The following NUP214 variants were observed in gnomAD, a reference collection of about 807,000 sequenced individuals.
The protein encoded by NUP214 is nucleoporin 214.
A neutral mutation model predicts 196.2 loss-of-function variants in NUP214; 79 were observed. The observed-to-expected ratio is 0.40, with a 90% CI of 0.34 to 0.49. The LOEUF (loss-of-function observed/expected upper bound fraction) is 0.49. Ranked by LOEUF, NUP214 falls within the 20% of genes least tolerant of loss-of-function variation. NUP214 has a pLI of 0.58. For missense variants in NUP214, 2,468 were observed against 2,539.0 expected (o/e 0.97, Z 0.60); for synonymous variants, 1,020 against 990.5 (o/e 1.03, Z -0.56).
intron 26 of NUP214, among the ~76,000 whole-genome samples, chr9:131,189,562 A>C (rs1336407320): frequency 6.6e-6 from 1 of 152,238 alleles, no homozygotes. Flanking sequence ...ACAGTTCAAA[A>C]GCCTATAAGG....
rs1261641239 is a variant in NUP214 at position 131,139,364 on chromosome 9, G to A, written c.1089G>A (p.Met363Ile). The change falls in exon 10 of 36, where the codon ATG becomes ATA. Residue 363 changes from methionine to isoleucine, a missense_variant. Around this residue, in one of 5 missense-constraint regions of NUP214, gnomAD observed 1,801 missense variants for 1,779.4 expected, o/e 1.01. Coordinates refer to ENST00000359428, the MANE Select transcript of NUP214 (RefSeq NM_005085.4). ...VTDKSDDSLP[M>I]GVVVDYTNQV... is the part of the protein sequence containing the mutation. ...ACAAGAGTGATGACTCCTTGCCCAT[G>A]GGAGTTGTCGTAGACTATACAAACC... is the stretch of plus-strand genomic sequence containing the variant. 46 of 1,606,820 alleles carry A rather than the reference G, an allele frequency of 2.9e-5. No individual in the cohort carries two copies. Among genetic ancestry groups the A allele is most frequent in the Non-Finnish European group, 3.8e-5 (45 of 1,177,468 alleles).
chr9:131,166,347 A>G (rs1832786348), intron 21 of NUP214, among the ~76,000 whole-genome samples: 1 of 152,240 alleles, frequency 6.6e-6, no homozygotes, highest in Non-Finnish European at 1.5e-5. Flanking sequence ...ATATTTAGAT[A>G]GAGTCCTTAC....
At chr9:131,217,033 G>A (rs1834420598) in intron 31 of NUP214, among the ~76,000 whole-genome samples, 1 of 152,110 alleles carries the variant, frequency 6.6e-6, no homozygotes, top group Admixed American at 6.5e-5. Context: ...TCATGAGCTA[G>A]TGTTCTGCAG....
chr9:131,234,469 T>G lies in NUP214; in HGVS notation c.*982T>G. On this transcript the variant is annotated 3_prime_UTR_variant, in exon 36 of 36. Coordinates refer to ENST00000359428, the MANE Select transcript of NUP214 (RefSeq NM_005085.4). ...TCTTTGAGGCCTGTAACATCCTAGA[T>G]AGTTGCCATCAAACAAGGACCGTCT... 4.3e-6 allele frequency: 1 copy of G among 231,954 alleles called. No individual in the cohort carries two copies. Among genetic ancestry groups the G allele is most frequent in the Non-Finnish European group, 8.5e-6 (1 of 117,290 alleles). 14.4% of individuals were successfully genotyped at this position (231,954 alleles called of 1,614,324 possible).
At chr9:131,190,877 T>G (rs1833577755) in intron 26 of NUP214, 1 of 156,342 alleles carries the variant, frequency 6.4e-6, no homozygotes, top group Admixed American at 6.5e-5. Context: ...AATGTCTTGG[T>G]CTCTGCAGGT....
rs537782305 is a variant in NUP214 at position 131,125,667 on chromosome 9, G to T, written c.-38G>T. 11 of 1,548,210 alleles carry T rather than the reference G, an allele frequency of 7.1e-6. No individual in the cohort carries two copies. In the African/African-American group the frequency reaches 1.4e-4, roughly 19 times the overall value. ...GGGTTCCGTGGGCAAGGCCGTGGGA[G>T]GCAGCGTTGGCTGCTTCGACACACT... On this transcript the variant is annotated 5_prime_UTR_variant, in exon 1 of 36. In the 5' UTR this introduces an upstream ATG that the reference lacks. Coordinates refer to ENST00000359428, the MANE Select transcript of NUP214 (RefSeq NM_005085.4). This position sits in a 1 kb window ranked among gnomAD's most constrained non-coding sequence, Gnocchi z 4.1.
At chr9:131,149,721 G>A (rs1330854910) in intron 14 of NUP214, among the ~76,000 whole-genome samples, 4 of 152,096 alleles carry the variant, frequency 2.6e-5, no homozygotes, top group Admixed American at 2.0e-4. Context: ...TTTCCAACAC[G>A]TTTAGAATAG....
chr9:131,175,553 A>C lies in NUP214; in HGVS notation c.3251A>C (p.His1084Pro), dbSNP rs1588147301. The C allele has an allele frequency of 1.2e-6, 2 of 1,614,032 alleles. No homozygotes were observed. Among genetic ancestry groups the C allele is most frequent in the African/African-American group, 1.3e-5 (1 of 75,000 alleles). Residue 1084 changes from histidine (H) to proline (P), a missense_variant, in exon 23 of 36, where the codon CAC (histidine) becomes CCC (proline). Physicochemically the swap from His to Pro is moderately conservative, Grantham distance 77. Transcript: ENST00000359428. ...AAACATGGTGCACCTAGTCCTTCCC[A>C]CCCCATCTCAGCCCCGCAGGCAGCT... Reference protein sequence around the residue: ...TVKHGAPSPSHPISAPQAAAA... With the variant: ...TVKHGAPSPSPPISAPQAAAA...
chr9:131,192,090 G>T, intron 26 of NUP214, 118 bp from the exon 27 acceptor site: 2 of 612,460 alleles, frequency 3.3e-6, no homozygotes, highest in South Asian at 5.5e-5. Context: ...GAAGGCACAT[G>T]TGGTGCTAAG....
Position 131,222,824 on chromosome 9 carries a change from A to C in NUP214, c.5796A>C (p.Gly1932=). The change falls in exon 32 of 36, where the codon GGA becomes GGC. Residue 1932 remains glycine (G), a synonymous_variant. Transcript: ENST00000359428. ...ACAGTGGGGCCAAGACATTTGGTGG[A>C]TTTGCCAGCTCGTCGTTTGGAGAGC... is the stretch of plus-strand genomic sequence containing the variant. ...FGNSGAKTFG[G]FASSSFGEQK... 1 of 1,614,122 alleles carries C rather than the reference A, an allele frequency of 6.2e-7. No homozygotes were observed. Among genetic ancestry groups the C allele is most frequent in the East Asian group, 2.2e-5 (1 of 44,872 alleles).
chr9:131,190,090 T>C lies in NUP214; in HGVS notation c.3574+959T>C, dbSNP rs1193588605. On this transcript the variant is annotated intron_variant, in intron 26 of 35. Transcript: ENST00000359428. ...TATTCCTTGCAGAAGGAAGCCATTA[T>C]TGCATAAGCCAGAGTTGTATTCTAG... 3.1e-5 allele frequency: 7 copies of C among 223,212 alleles called. No individual in the cohort carries two copies. In the East Asian group the frequency reaches 5.0e-4, roughly 16 times the overall value. The allele number at this position is 223,212 out of a possible 1,614,324, so 13.8% of individuals were successfully genotyped here. A position where few individuals can be genotyped will look rare whatever the true frequency, so the allele number is the denominator to read the frequency against.
rs983708996 is a variant in NUP214 at position 131,223,407 on chromosome 9, C to T, written c.5902+477C>T. Among the ~76,000 whole-genome samples the T allele has an allele frequency of 3.9e-5, 6 of 152,048 alleles. No individual in the cohort carries two copies. The South Asian group carries it at 1.0e-3, about 26-fold the overall frequency. ...GTCTCCATCTCTTGACCTTGTGATC[C>T]GCCCACCTCGGCCTCCCAAAGTGCT... is the stretch of plus-strand genomic sequence containing the variant. On this transcript the variant is annotated intron_variant, in intron 32 of 35. Transcript: ENST00000359428.
chr9:131,197,556 C>G lies in NUP214; in HGVS notation c.4062C>G (p.Ser1354=). ...DSTKPTNKAS[S]TSLTSTQPTK... is the part of the protein sequence containing the mutation. ...CAAAACCAACCAATAAGGCTTCATCCACAAGCCTAACTAGTACCCAGCCAA... is the reference window on the plus strand; with the variant it reads ...CAAAACCAACCAATAAGGCTTCATCGACAAGCCTAACTAGTACCCAGCCAA... Residue 1354 remains serine (S), a synonymous_variant, in exon 29 of 36, where the codon TCC becomes TCG. Coordinates refer to ENST00000359428, the MANE Select transcript of NUP214 (RefSeq NM_005085.4). 1 of 1,614,190 alleles carries G rather than the reference C, an allele frequency of 6.2e-7. No individual in the cohort carries two copies. Among genetic ancestry groups the G allele is most frequent in the Non-Finnish European group, 8.5e-7 (1 of 1,180,014 alleles).
intron 25 of NUP214, among the ~76,000 whole-genome samples, chr9:131,188,768 AGCACTGTGCTAG>A (rs1046937535): frequency 6.6e-6 from 1 of 152,230 alleles, no homozygotes; most frequent in African/African-American, 2.4e-5. Context: ...TGATGTGCTA[AGCACTGTGCTAG>A]GCACTGGGAA....
intron 24 of NUP214, among the ~76,000 whole-genome samples, chr9:131,185,108 T>A (rs1402176050): frequency 2.6e-5 from 4 of 152,216 alleles, no homozygotes; most frequent in South Asian, 2.1e-4. Context: ...ATGGGATGAG[T>A]ATTTACCTTG....
chr9:131,151,684 A>T, intron 16 of NUP214, 52 bp from the exon 17 acceptor site: 2 of 1,427,796 alleles, frequency 1.4e-6, no homozygotes, highest in Non-Finnish European at 1.9e-6. Context: ...CCAAACAGAA[A>T]GATTTGGACG....
In NUP214 at chr9:131,167,107, A is replaced by G. The variant is rs546853998; in HGVS notation, c.2893+2963A>G. ...ACACGTTGATTGGATCTAGGATCCAATCCAGGATTCTGCATTGTGTAAGTT... is the reference window on the plus strand; with the variant it reads ...ACACGTTGATTGGATCTAGGATCCAGTCCAGGATTCTGCATTGTGTAAGTT... On this transcript the variant is annotated intron_variant, in intron 21 of 35. Coordinates refer to ENST00000359428, the MANE Select transcript of NUP214 (RefSeq NM_005085.4). 6 of 152,252 alleles carry G rather than the reference A, an allele frequency of 3.9e-5. No homozygotes were observed. The South Asian group carries it at 1.2e-3, about 32-fold the overall frequency. 9.4% of individuals were successfully genotyped at this position (152,252 alleles called of 1,614,324 possible).
At chr9:131,221,388 G>A (rs1834551441) in intron 31 of NUP214, among the ~76,000 whole-genome samples, 1 of 152,196 alleles carries the variant, frequency 6.6e-6, no homozygotes, top group African/African-American at 2.4e-5. Context: ...CTGGTGCCTG[G>A]AAATTTGAGG....
chr9:131,202,924 TTATTTATTTA>T (rs1383119974), intron 30 of NUP214, among the ~76,000 whole-genome samples: 2 of 150,924 alleles, frequency 1.3e-5, no homozygotes, highest in Non-Finnish European at 3.0e-5. Context: ...TTTTATTTAT[TTATTTATTTA>T]TATTTATTTA....
Sources: allele counts gnomAD v4.1 joint callset (sites outside exome capture counted in the v4.1 genomes callset), GRCh38; gene constraint gnomAD v4.1.1; regional missense constraint gnomAD v4.1.1; non-coding constraint Gnocchi (gnomAD v3.1); transcripts MANE v1.5; gene names NCBI Gene and HGNC (gene_info 2026-07-23, HGNC 2026-07-21).